Variants in GIPC2 observed in about 807,000 individuals in gnomAD.
The protein encoded by GIPC2 is GIPC PDZ domain containing family member 2.
GIPC2 carries 30 observed loss-of-function variants against 30.6 expected under a neutral mutation model. The ratio of observed to expected loss-of-function variants is 0.98; its 90% CI spans 0.73 to 1.33. GIPC2 has a LOEUF of 1.33. Ranked by LOEUF, GIPC2 falls within the 40% of genes most tolerant of loss-of-function variation. The pLI is 0.00. For missense variants in GIPC2, 414 were observed against 390.3 expected, an observed-to-expected ratio of 1.06 and a Z score of -0.51; for synonymous variants, 167 against 150.0, an observed-to-expected ratio of 1.11 and a Z score of -0.83.
chr1:78,134,328 G>T (rs1354600596), intron 5 of GIPC2, among the ~76,000 whole-genome samples: 1 of 148,360 alleles, frequency 6.7e-6, no homozygotes, highest in Admixed American at 6.7e-5. Context: ...GTATGTGTCT[G>T]TGTATGTGTG....
intron 1 of GIPC2, among the ~76,000 whole-genome samples, chr1:78,059,435 C>G (rs546662283): frequency 6.6e-6 from 1 of 152,302 alleles, no homozygotes; most frequent in Admixed American, 6.5e-5. Context: ...GGTAGAGACC[C>G]TGGTGTATCT....
intron 3 of GIPC2, among the ~76,000 whole-genome samples, chr1:78,113,225 A>G (rs1249813232): frequency 2.0e-5 from 3 of 152,066 alleles, no homozygotes; most frequent in African/African-American, 7.3e-5. Flanking sequence ...CATTAAAAAA[A>G]AACAGATATG....
intron 1 of GIPC2, among the ~76,000 whole-genome samples, chr1:78,078,095 G>A (rs1277189531): frequency 2.0e-5 from 3 of 148,100 alleles, no homozygotes; most frequent in Non-Finnish European, 4.5e-5. Flanking sequence ...GGCTGAGGCA[G>A]GAGAATGGCG....
At position 78,070,074 on chromosome 1, in the gene GIPC2, G is replaced by A. The variant is rs184602841; in HGVS notation, c.241-10601G>A. 8.5e-5 allele frequency among the ~76,000 whole-genome samples: 13 copies of A among 152,196 alleles called. No individual in the cohort carries two copies. In the East Asian group the frequency reaches 1.9e-3, roughly 23 times the overall value. Reference sequence around the variant, plus strand: ...ATTGTAGGGGTTAGAATTCAGCCTCGTGGGCCAAAAGGAACACAGTGCTCT... The same window carrying A: ...ATTGTAGGGGTTAGAATTCAGCCTCATGGGCCAAAAGGAACACAGTGCTCT... On this transcript the variant is annotated intron_variant, in intron 1 of 5. Transcript: ENST00000370759.
At chr1:78,065,519 T>G (rs1000939646) in intron 1 of GIPC2, among the ~76,000 whole-genome samples, 11 of 149,180 alleles carry the variant, frequency 7.4e-5, no homozygotes, top group African/African-American at 2.4e-4. Flanking sequence ...ACCAAGGACA[T>G]TCTTCACAGA....
chr1:78,109,628 T>A (rs1662424191), intron 3 of GIPC2, among the ~76,000 whole-genome samples: 1 of 152,200 alleles, frequency 6.6e-6, no homozygotes, highest in African/African-American at 2.4e-5. Context: ...TTTTATATGC[T>A]GTTACCTGGG....
At chr1:78,078,247 A>G (rs1661756514) in intron 1 of GIPC2, among the ~76,000 whole-genome samples, 1 of 151,704 alleles carries the variant, frequency 6.6e-6, no homozygotes, top group South Asian at 2.1e-4. Flanking sequence ...AGTTCAAAAT[A>G]TAAAATCTTT....
chr1:78,128,808 G>A (rs1205432666), intron 5 of GIPC2, among the ~76,000 whole-genome samples: 2 of 151,864 alleles, frequency 1.3e-5, no homozygotes, highest in East Asian at 3.9e-4. Flanking sequence ...ATAGTGAGAT[G>A]AGACCCTGTC....
At position 78,100,941 on chromosome 1, in the gene GIPC2, TAC is replaced by T. The variant is rs71590709; in HGVS notation, c.607+5849_607+5850del. On this transcript the variant is annotated intron_variant, in intron 3 of 5. Transcript: ENST00000370759. ...TGAGACCCTGTCAAAAAAAAAAAAA[TAC>T]ACACACACACACACACACACACACA... Among the ~76,000 whole-genome samples, 437 of 114,840 alleles carry T rather than the reference TAC, an allele frequency of 3.8e-3. 5 individuals are homozygous for T. The highest frequency in any genetic ancestry group is 5.9e-3 in the African/African-American group (159 of 27,128). The allele number at this position is 114,840 out of a possible 152,430, so 75.3% of individuals were successfully genotyped here. A position where few individuals can be genotyped will look rare whatever the true frequency, so the allele number is the denominator to read the frequency against.
At chr1:78,121,404 AACAG>A (rs1662681229) in intron 4 of GIPC2, among the ~76,000 whole-genome samples, 1 of 152,238 alleles carries the variant, frequency 6.6e-6, no homozygotes. Context: ...TGAAGGGAAA[AACAG>A]ACAGATGAAC....
At chr1:78,131,460 G>A (rs963159525) in intron 5 of GIPC2, among the ~76,000 whole-genome samples, 2 of 152,002 alleles carry the variant, frequency 1.3e-5, no homozygotes, top group Middle Eastern at 3.4e-3. Flanking sequence ...CACCCGCCTC[G>A]GCCTCCCAAA....
intron 3 of GIPC2, among the ~76,000 whole-genome samples, chr1:78,119,168 C>T (rs1373509977): frequency 1.3e-5 from 2 of 152,208 alleles, no homozygotes; most frequent in Non-Finnish European, 2.9e-5. Flanking sequence ...TTCACATATT[C>T]CCTTTTCTTG....
In GIPC2 at chr1:78,046,259, C is replaced by A. The variant is rs370127088; in HGVS notation, c.165C>A (p.Gly55=). ...AGCTGGCGCACGGTAGTGCCACGGGCCGAGTGGAGGGCTTCTCCAGCATCC... is the reference window on the plus strand; with the variant it reads ...AGCTGGCGCACGGTAGTGCCACGGGACGAGTGGAGGGCTTCTCCAGCATCC... ...HAQLAHGSAT[G]RVEGFSSIQE... The change falls in exon 1 of 6, where the codon GGC becomes GGA. Residue 55 remains glycine (G), a synonymous_variant. Transcript: ENST00000370759. 2.5e-6 allele frequency: 4 copies of A among 1,611,012 alleles called. No homozygotes were observed. The highest frequency in any genetic ancestry group is 3.4e-6 in the Non-Finnish European group (4 of 1,179,114).
chr1:78,099,168 G>A (rs575626036), intron 3 of GIPC2, among the ~76,000 whole-genome samples: 71 of 152,172 alleles, frequency 4.7e-4, no homozygotes, highest in African/African-American at 1.7e-3. Flanking sequence ...ATTAGTATAT[G>A]CTTGTCTTAG....
chr1:78,053,766 G>GA (rs1661239124), intron 1 of GIPC2, among the ~76,000 whole-genome samples: 4 of 71,216 alleles, frequency 5.6e-5, no homozygotes, highest in Admixed American at 1.5e-4. Context: ...AAAAAAAAAA[G>GA]CCAAAAAAAA....
intron 1 of GIPC2, among the ~76,000 whole-genome samples, chr1:78,051,388 A>G (rs1661195453): frequency 6.6e-6 from 1 of 152,260 alleles, no homozygotes; most frequent in Non-Finnish European, 1.5e-5. Flanking sequence ...GTGTGATATT[A>G]GATACCAAAT....
At chr1:78,087,991 T>C (rs1475248851) in intron 2 of GIPC2, among the ~76,000 whole-genome samples, 1 of 151,562 alleles carries the variant, frequency 6.6e-6, no homozygotes. Flanking sequence ...AACAATAATA[T>C]TAAAAAAAAA....
At chr1:78,090,815 C>T (rs1361215188) in intron 2 of GIPC2, among the ~76,000 whole-genome samples, 1 of 152,144 alleles carries the variant, frequency 6.6e-6, no homozygotes, top group African/African-American at 2.4e-5. Flanking sequence ...CAGAGGATTA[C>T]AGGATGGAAG....
At chr1:78,081,882 A>T (rs1661835461) in intron 2 of GIPC2, among the ~76,000 whole-genome samples, 1 of 152,078 alleles carries the variant, frequency 6.6e-6, no homozygotes, top group Non-Finnish European at 1.5e-5. Context: ...AGACATTTTT[A>T]ATGTACAGCT....
Sources: gnomAD v4.1 joint callset for allele counts (sites outside exome capture counted in the v4.1 genomes callset) on GRCh38, gnomAD v4.1.1 for gene constraint, MANE v1.5 for transcripts, NCBI Gene and HGNC (gene_info 2026-07-23, HGNC 2026-07-21) for gene names.